The following SPATA31H1 variants were observed in gnomAD, a reference collection of about 807,000 sequenced individuals.
SPATA31H1 encodes spermatogenesis-associated protein 31H1.
the SPATA31H1 span, among the ~76,000 whole-genome samples, chr2:27,539,652 G>A: frequency 3.9e-5 from 4 of 102,086 alleles, no homozygotes; most frequent in African/African-American, 1.2e-4. Flanking sequence ...AGACGGGGCC[G>A]TGGCCGGGCA....
At chr2:27,580,268 C>T in the SPATA31H1 span, 4 of 1,614,182 alleles carry the variant, frequency 2.5e-6, no homozygotes, top group Non-Finnish European at 3.4e-6. Context: ...AAGTCTACAT[C>T]AGGCGAGGAC....
At chr2:27,580,060 G>A in the SPATA31H1 span, 5 of 1,614,114 alleles carry the variant, frequency 3.1e-6, no homozygotes, top group East Asian at 2.2e-5. Flanking sequence ...GGTGAGGTTC[G>A]GTTGCATCTT....
At chr2:27,572,891 G>A in the SPATA31H1 span, 1 of 397,472 alleles carries the variant, frequency 2.5e-6, no homozygotes, top group African/African-American at 2.1e-5. Flanking sequence ...CTCCTGAGTT[G>A]TCCCAAGGAC....
At chr2:27,561,339 C>A in the SPATA31H1 span, among the ~76,000 whole-genome samples, 3 of 152,040 alleles carry the variant, frequency 2.0e-5, no homozygotes, top group Non-Finnish European at 4.4e-5. Context: ...AAACAAAAAA[C>A]TAATTTGAGA....
the SPATA31H1 span, chr2:27,578,936 A>G: frequency 5.6e-6 from 9 of 1,614,034 alleles, no homozygotes; most frequent in Non-Finnish European, 7.6e-6. Flanking sequence ...CTATGATACA[A>G]TCTTTAACTT....
At chr2:27,538,046 C>T in the SPATA31H1 span, among the ~76,000 whole-genome samples, 2 of 151,960 alleles carry the variant, frequency 1.3e-5, no homozygotes, top group African/African-American at 2.4e-5. Context: ...GAAAGGGAAG[C>T]GTATTGGATG....
chr2:27,577,970 A>C, the SPATA31H1 span: 1 of 1,614,166 alleles, frequency 6.2e-7, no homozygotes, highest in African/African-American at 1.3e-5. The surrounding 1 kb of genome is among the most constrained non-coding windows in gnomAD (Gnocchi z 4.5). Context: ...CAACCCCAGG[A>C]CCACTGGGTC....
chr2:27,580,458 C>A, the SPATA31H1 span: 10 of 1,614,064 alleles, frequency 6.2e-6, no homozygotes, highest in Non-Finnish European at 8.5e-6. Context: ...AATCACCAAG[C>A]GACTTAGAAA....
chr2:27,538,047 G>A, the SPATA31H1 span, among the ~76,000 whole-genome samples: 26 of 152,192 alleles, frequency 1.7e-4, 1 homozygote, highest in East Asian at 4.2e-3. Context: ...AAAGGGAAGC[G>A]TATTGGATGT....
the SPATA31H1 span, chr2:27,566,139 C>T: frequency 1.4e-6 from 1 of 717,302 alleles, no homozygotes; most frequent in Non-Finnish European, 2.6e-6. Context: ...CTGATAAATT[C>T]TGTGAAAGTT....
the SPATA31H1 span, chr2:27,576,905 A>G: frequency 2.4e-5 from 39 of 1,614,022 alleles, no homozygotes; most frequent in Non-Finnish European, 3.0e-5. Flanking sequence ...CTCCAAGAAC[A>G]AATTATCAAA....
the SPATA31H1 span, among the ~76,000 whole-genome samples, chr2:27,541,549 A>C: frequency 6.6e-6 from 1 of 151,994 alleles, no homozygotes. Flanking sequence ...TGTGAAATGA[A>C]CGAACGACTT....
the SPATA31H1 span, among the ~76,000 whole-genome samples, chr2:27,545,578 T>C: frequency 5.9e-5 from 6 of 102,316 alleles, no homozygotes; most frequent in African/African-American, 8.4e-5. Flanking sequence ...TTTTCCTTTT[T>C]CTTTTTTTTT....
the SPATA31H1 span, among the ~76,000 whole-genome samples, chr2:27,554,708 G>C: frequency 6.6e-6 from 1 of 151,968 alleles, no homozygotes; most frequent in Non-Finnish European, 1.5e-5. Context: ...TGAGTAGCTG[G>C]GATTACAGGC....
the SPATA31H1 span, among the ~76,000 whole-genome samples, chr2:27,560,650 G>T: frequency 3.4e-4 from 52 of 151,968 alleles, no homozygotes; most frequent in Non-Finnish European, 2.9e-4. Flanking sequence ...GTAGAGACGG[G>T]GTTTCACTGT....
the SPATA31H1 span, among the ~76,000 whole-genome samples, chr2:27,541,171 G>A: frequency 4.6e-5 from 7 of 151,358 alleles, no homozygotes; most frequent in Non-Finnish European, 1.0e-4. Context: ...CGGATCACTC[G>A]CGGCTAGGAG....
the SPATA31H1 span, among the ~76,000 whole-genome samples, chr2:27,554,259 TC>T: frequency 3.3e-5 from 5 of 152,024 alleles, no homozygotes; most frequent in Non-Finnish European, 7.3e-5. Context: ...GTAGGCTTTT[TC>T]TAGCATGCGC....
the SPATA31H1 span, among the ~76,000 whole-genome samples, chr2:27,544,529 ATTTTTTT>A: frequency 1.1e-4 from 14 of 125,122 alleles, no homozygotes; most frequent in African/African-American, 1.5e-4. Context: ...GTTGACAACA[ATTTTTTT>A]TTTTTTTTTT....
chr2:27,579,568 A>C, the SPATA31H1 span: 2 of 1,614,254 alleles, frequency 1.2e-6, no homozygotes, highest in South Asian at 2.2e-5. Flanking sequence ...AGAATAAAGA[A>C]GACAAACTCA....
Sources: gnomAD v4.1 joint callset for allele counts (sites outside exome capture counted in the v4.1 genomes callset) on GRCh38, gnomAD v4.1.1 for gene constraint, Gnocchi (gnomAD v3.1) non-coding constraint, MANE v1.5 for transcripts, NCBI Gene and HGNC (gene_info 2026-07-23, HGNC 2026-07-21) for gene names.